Variants in PTPRD observed in about 807,000 individuals in gnomAD.
PTPRD encodes protein tyrosine phosphatase receptor type D, also known as receptor-type tyrosine-protein phosphatase delta.
Under a neutral mutation model 214.5 loss-of-function variants are expected in PTPRD, and 34 were observed. That is an observed-to-expected ratio of 0.16 (90% CI 0.12 to 0.21). PTPRD has a LOEUF of 0.21. Among genes scored for constraint, PTPRD ranks in the 10% least tolerant of loss-of-function variants. PTPRD has a pLI of 1.00. For missense variants in PTPRD, 2,545 were observed against 2,398.7 expected, an observed-to-expected ratio of 1.06 and a Z score of -1.27; for synonymous variants, 1,128 against 845.7, an observed-to-expected ratio of 1.33 and a Z score of -5.79.
In PTPRD at chr9:8,544,185, T is replaced by TTTTTTTG. The variant is rs369919861; in HGVS notation, c.353-15407_353-15406insCAAAAAA. Among the ~76,000 whole-genome samples the TTTTTTTG allele has an allele frequency of 8.7e-5, 12 of 137,804 alleles. 1 individual carries two copies. The highest frequency in any genetic ancestry group is 3.4e-4 in the African/African-American group (12 of 35,604). The allele number at this position is 137,804 out of a possible 152,430, so 90.4% of individuals were successfully genotyped here. On this transcript the variant is annotated intron_variant, in intron 14 of 45. Coordinates refer to ENST00000381196, the MANE Select transcript of PTPRD (RefSeq NM_002839.4). ...ATTACTTTTTTTTTTTTTTTTTTTTTGAGACAGAGTCCTGCTTTTTGCCCA... is the reference window on the plus strand; with the variant it reads ...ATTACTTTTTTTTTTTTTTTTTTTTTTTTTTTGGAGACAGAGTCCTGCTTTTTGCCCA...
intron 11 of PTPRD, among the ~76,000 whole-genome samples, chr9:8,919,768 T>C (rs1268083357): frequency 1.3e-5 from 2 of 151,024 alleles, no homozygotes; most frequent in Non-Finnish European, 3.0e-5. Flanking sequence ...CATGCATCCA[T>C]GTATATGCAC....
At chr9:9,996,484 C>CATAA (rs997158758) in intron 4 of PTPRD, among the ~76,000 whole-genome samples, 72 of 152,300 alleles carry the variant, frequency 4.7e-4, no homozygotes, top group African/African-American at 1.6e-3. Context: ...ATCAGGAAGA[C>CATAA]TTATGCCTGG....
In PTPRD at chr9:8,550,165, G is replaced by A. The variant is rs142597029; in HGVS notation, c.353-21386C>T. 1.6e-3 allele frequency among the ~76,000 whole-genome samples: 243 copies of A among 152,184 alleles called. 1 individual carries two copies. The highest frequency in any genetic ancestry group is 5.7e-3 in the African/African-American group (235 of 41,522). ...TATATTATTAGGAAAACAAAAAGTT[G>A]TTTTTCATGTTCTATTGGCTTATGA... On this transcript the variant is annotated intron_variant, in intron 14 of 45. Coordinates refer to ENST00000381196, the MANE Select transcript of PTPRD (RefSeq NM_002839.4).
chr9:8,687,762 A>G (rs2097713595), intron 12 of PTPRD, among the ~76,000 whole-genome samples: 1 of 151,470 alleles, frequency 6.6e-6, no homozygotes, highest in East Asian at 1.9e-4. Context: ...TTTCTCAACT[A>G]GTCTCCTTTT....
chr9:10,392,160 C>T lies in PTPRD; in HGVS notation c.-599-51143G>A, dbSNP rs189182855. Among the ~76,000 whole-genome samples the T allele has an allele frequency of 1.4e-3, 208 of 151,790 alleles. 1 individual carries two copies. Among genetic ancestry groups the T allele is most frequent in the African/African-American group, 4.8e-3 (199 of 41,492 alleles). On this transcript the variant is annotated intron_variant, in intron 2 of 45. Transcript: ENST00000381196. The stretch of plus-strand genomic sequence containing the variant: ...CAATGAGGCCCAGAACTACATCTGG[C>T]CACAGCTGTATCCTAAGAGTTTAGT...
intron 4 of PTPRD, among the ~76,000 whole-genome samples, chr9:10,013,813 C>G (rs1308138766): frequency 6.6e-6 from 1 of 151,866 alleles, no homozygotes; most frequent in East Asian, 1.9e-4. Context: ...TATTTTGGTT[C>G]ACATAATAAT....
At chr9:8,807,088 G>C (rs975222687) in intron 11 of PTPRD, among the ~76,000 whole-genome samples, 1 of 152,120 alleles carries the variant, frequency 6.6e-6, no homozygotes, top group Non-Finnish European at 1.5e-5. Context: ...TGTAATCCTA[G>C]CAATTTGGGA....
chr9:9,145,903 A>G (rs2099867825), intron 10 of PTPRD, among the ~76,000 whole-genome samples: 1 of 152,246 alleles, frequency 6.6e-6, no homozygotes, highest in South Asian at 2.1e-4. Context: ...TAATTAACAT[A>G]GGCACGTATC....
chr9:9,521,835 T>C (rs2096980462), intron 8 of PTPRD, among the ~76,000 whole-genome samples: 1 of 152,036 alleles, frequency 6.6e-6, no homozygotes, highest in East Asian at 1.9e-4. Flanking sequence ...TAGTGTTCTT[T>C]GGGGGCTTAT....
chr9:9,637,126 C>T (rs1437692139), intron 7 of PTPRD, among the ~76,000 whole-genome samples: 2 of 152,274 alleles, frequency 1.3e-5, no homozygotes, highest in Admixed American at 1.3e-4. Flanking sequence ...GATTAAGTTT[C>T]CAACACATGA....
chr9:8,670,669 T>C (rs954495996), intron 12 of PTPRD, among the ~76,000 whole-genome samples: 1 of 152,142 alleles, frequency 6.6e-6, no homozygotes, highest in Non-Finnish European at 1.5e-5. Flanking sequence ...TTGACAGAAA[T>C]GGATGTCATT....
intron 11 of PTPRD, among the ~76,000 whole-genome samples, chr9:8,769,008 A>G (rs2094980905): frequency 6.6e-6 from 1 of 152,192 alleles, no homozygotes; most frequent in Non-Finnish European, 1.5e-5. Flanking sequence ...AGGGAGGCAC[A>G]GGGGAGGTGT....
chr9:9,592,632 A>G (rs1785470944), intron 7 of PTPRD, among the ~76,000 whole-genome samples: 1 of 152,052 alleles, frequency 6.6e-6, no homozygotes, highest in Non-Finnish European at 1.5e-5. Context: ...CTACTCCTAC[A>G]AGGAAGTGCC....
At chr9:9,952,099 C>A (rs2093509086) in intron 4 of PTPRD, among the ~76,000 whole-genome samples, 1 of 152,038 alleles carries the variant, frequency 6.6e-6, no homozygotes, top group Non-Finnish European at 1.5e-5. Flanking sequence ...ATGGATTTAC[C>A]AGACAAGATC....
intron 5 of PTPRD, among the ~76,000 whole-genome samples, chr9:9,931,645 G>A (rs1291043145): frequency 2.0e-5 from 3 of 151,334 alleles, no homozygotes; most frequent in Non-Finnish European, 2.9e-5. Flanking sequence ...CAACGAGGCT[G>A]GGGGAGGGGC....
At chr9:9,023,891 A>G (rs1249193718) in intron 10 of PTPRD, among the ~76,000 whole-genome samples, 2 of 151,636 alleles carry the variant, frequency 1.3e-5, no homozygotes, top group Non-Finnish European at 2.9e-5. Flanking sequence ...TCTTTTCTCT[A>G]TTTCCTGTGA....
Position 10,365,006 on chromosome 9 carries a change from G to C in PTPRD, c.-599-23989C>G, listed in dbSNP as rs535827350. ...ATATTACCACCTGCTCATTAATTAG[G>C]AATCTCAGAGACATCTTAACAATTC... On this transcript the variant is annotated intron_variant, in intron 2 of 45. Transcript: ENST00000381196. 3.3e-5 allele frequency among the ~76,000 whole-genome samples: 5 copies of C among 152,190 alleles called. No homozygotes were observed. The South Asian group carries it at 1.0e-3, about 32-fold the overall frequency.
At chr9:10,289,972 A>G (rs1248366271) in intron 3 of PTPRD, among the ~76,000 whole-genome samples, 1 of 152,154 alleles carries the variant, frequency 6.6e-6, no homozygotes, top group African/African-American at 2.4e-5. Context: ...CATTTGTTTC[A>G]GTGAAATTTA....
intron 7 of PTPRD, among the ~76,000 whole-genome samples, chr9:9,655,414 C>G (rs897823379): frequency 6.6e-6 from 1 of 151,592 alleles, no homozygotes; most frequent in Non-Finnish European, 1.5e-5. Flanking sequence ...TACTAAAATA[C>G]AAAAATTAGC....
Sources: allele counts gnomAD v4.1 joint callset (sites outside exome capture counted in the v4.1 genomes callset), GRCh38; gene constraint gnomAD v4.1.1; transcripts MANE v1.5; gene names NCBI Gene and HGNC (gene_info 2026-07-23, HGNC 2026-07-21).